NFATC1: variants seen among roughly 807,000 people sequenced by gnomAD.
The protein encoded by NFATC1 is nuclear factor of activated T-cells, cytoplasmic 1.
In NFATC1, 22 loss-of-function variants were observed where a neutral mutation model predicts 76.0. That is an observed-to-expected ratio of 0.29 (90% CI 0.21 to 0.41). NFATC1 has a LOEUF of 0.41. Among genes scored for constraint, NFATC1 ranks in the 10% least tolerant of loss-of-function variants. The pLI, the probability that NFATC1 is intolerant of heterozygous loss-of-function variation, is 1.00. For synonymous variants in NFATC1, 704 were observed against 613.1 expected (o/e 1.15, Z -2.19); for missense variants, 1,357 against 1,337.7 (o/e 1.01, Z -0.23).
In NFATC1 at chr18:79,427,392, TTGGGGGG is replaced by T. The variant is rs1568947785; in HGVS notation, c.1227-6186_1227-6180del. On this transcript the variant is annotated intron_variant, in intron 2 of 9. Transcript: ENST00000427363. ...GTACGGCTGGCCTCTGTGCAGTGGGTTGGGGGGAGCTGGATGGCTGGCCTCTGTGCGG... is the reference window on the plus strand; with the variant it reads ...GTACGGCTGGCCTCTGTGCAGTGGGTAGCTGGATGGCTGGCCTCTGTGCGG... 9.6e-3 allele frequency among the ~76,000 whole-genome samples: 742 copies of T among 77,568 alleles called. 21 individuals carry two copies. The highest frequency in any genetic ancestry group is 0.017 in the South Asian group (43 of 2,594). The allele number at this position is 77,568 out of a possible 152,430, so 50.9% of individuals were successfully genotyped here. A position where few individuals can be genotyped will look rare whatever the true frequency, so the allele number is the denominator to read the frequency against.
chr18:79,524,789 C>T lies in NFATC1; in HGVS notation c.2783-2739C>T, dbSNP rs1569058494. Among the ~76,000 whole-genome samples the T allele has an allele frequency of 6.6e-6, 1 of 152,040 alleles. No individual in the cohort carries two copies. Among genetic ancestry groups the T allele is most frequent in the Admixed American group, 6.5e-5 (1 of 15,278 alleles). The stretch of plus-strand genomic sequence containing the variant: ...TCCGCCCCCCGACGGGCTCTCCCAC[C>T]GAGGCTCAGGTGCTCGTGGGCAGCA... On this transcript the variant is annotated intron_variant, in intron 9 of 9. Transcript: ENST00000427363. The surrounding 1 kb of genome is among the most constrained non-coding windows in gnomAD (Gnocchi z 7.2).
Position 79,407,271 on chromosome 18 carries a change from A to G in NFATC1, c.128-3132A>G, listed in dbSNP as rs554971461. ...GCGGGGGGCACAGTGGATGCCAGTGAACATGGGTGGTCAGTCCCAGAGCTG... is the reference window on the plus strand; with the variant it reads ...GCGGGGGGCACAGTGGATGCCAGTGGACATGGGTGGTCAGTCCCAGAGCTG... On this transcript the variant is annotated intron_variant, in intron 1 of 9. Coordinates refer to ENST00000427363, the MANE Select transcript of NFATC1 (RefSeq NM_001278669.2). Among the ~76,000 whole-genome samples, 5 of 152,300 alleles carry G rather than the reference A, an allele frequency of 3.3e-5. No individual in the cohort carries two copies. In the South Asian group the frequency reaches 1.0e-3, roughly 32 times the overall value.
At chr18:79,481,028 G>A (rs2089253674) in intron 8 of NFATC1, among the ~76,000 whole-genome samples, 2 of 152,252 alleles carry the variant, frequency 1.3e-5, no homozygotes, top group Non-Finnish European at 2.9e-5. Flanking sequence ...CTGAGCGGGA[G>A]AGATGTGGGT....
chr18:79,411,327 A>C lies in NFATC1; in HGVS notation c.1052A>C (p.Glu351Ala), dbSNP rs2085669307. ...EQPPSVALKV[E>A]PVGEDLGSPP... ...CCGCCCTCAGTGGCGCTCAAGGTGG[A>C]GCCCGTCGGGGAGGACCTGGGCAGC... Residue 351 changes from glutamate (E) to alanine (A), a missense_variant, in exon 2 of 10, where the codon GAG becomes GCG. Coordinates refer to ENST00000427363, the MANE Select transcript of NFATC1 (RefSeq NM_001278669.2). 2 of 1,600,770 alleles carry C rather than the reference A, an allele frequency of 1.2e-6. No homozygotes were observed. The highest frequency in any genetic ancestry group is 2.7e-5 in the African/African-American group (2 of 74,674).
chr18:79,514,953 A>G (rs2090342596), intron 9 of NFATC1, among the ~76,000 whole-genome samples: 1 of 152,000 alleles, frequency 6.6e-6, no homozygotes, highest in South Asian at 2.1e-4. Flanking sequence ...CTGAGGAGGG[A>G]GTATTGCTTG....
chr18:79,446,831 G>A (rs879708876), intron 3 of NFATC1, among the ~76,000 whole-genome samples: 1 of 152,222 alleles, frequency 6.6e-6, no homozygotes, highest in Non-Finnish European at 1.5e-5. Context: ...CGCACATGGG[G>A]GCTGTGTCCT....
At chr18:79,433,815 G>A in intron 3 of NFATC1, 77 bp downstream of exon 3, 1 of 1,526,192 alleles carries the variant, frequency 6.6e-7, no homozygotes, top group African/African-American at 1.4e-5. Flanking sequence ...ACAGCTAACT[G>A]TGCTTAGACT....
chr18:79,400,746 C>A (rs1444042117), intron 1 of NFATC1, among the ~76,000 whole-genome samples: 8 of 139,692 alleles, frequency 5.7e-5, no homozygotes, highest in Non-Finnish European at 1.1e-4. Context: ...GGGCTGGTGG[C>A]GCTGCCAGAG....
chr18:79,437,983 C>T (rs1203743594), intron 3 of NFATC1, among the ~76,000 whole-genome samples: 2 of 152,246 alleles, frequency 1.3e-5, no homozygotes, highest in South Asian at 4.1e-4. Flanking sequence ...CACCCGGGCA[C>T]AGCCATTGAG....
chr18:79,457,735 C>T (rs747110023), intron 6 of NFATC1, among the ~76,000 whole-genome samples: 7 of 152,206 alleles, frequency 4.6e-5, no homozygotes, highest in Non-Finnish European at 5.9e-5. Context: ...ACCCCGGCTC[C>T]GACAACCCCA....
At chr18:79,485,178 C>T (rs1445372584) in intron 8 of NFATC1, among the ~76,000 whole-genome samples, 4 of 152,170 alleles carry the variant, frequency 2.6e-5, no homozygotes, top group Non-Finnish European at 4.4e-5. Flanking sequence ...TCCCTGTGGC[C>T]GACCCTGCTG....
intron 1 of NFATC1, among the ~76,000 whole-genome samples, chr18:79,401,579 A>G (rs984698241): frequency 1.3e-5 from 2 of 152,086 alleles, no homozygotes; most frequent in Non-Finnish European, 2.9e-5. Flanking sequence ...CGCCTTCCAG[A>G]GCTGGTTCCA....
intron 1 of NFATC1, chr18:79,402,423 C>A: frequency 6.1e-6 from 6 of 981,440 alleles, no homozygotes; most frequent in Non-Finnish European, 7.3e-6. Context: ...GGGCTCATTC[C>A]CCCAAAACAC....
chr18:79,486,572 C>G lies in NFATC1; in HGVS notation c.2417C>G (p.Pro806Arg). 1 of 1,592,734 alleles carries G rather than the reference C, an allele frequency of 6.3e-7. No individual in the cohort carries two copies. Among genetic ancestry groups the G allele is most frequent in the South Asian group, 1.1e-5 (1 of 90,232 alleles). ...CCCGCCGTCCAGGACGTGCCCAGGC[C>G]AGTGGCCACGCACCCCGGCTCGCCC... ...EAPAVQDVPR[P>R]VATHPGSPGQ... The change falls in exon 9 of 10, where the codon CCA (proline) becomes CGA (arginine). Residue 806 changes from proline to arginine, a missense_variant. Transcript: ENST00000427363.
intron 2 of NFATC1, among the ~76,000 whole-genome samples, chr18:79,420,109 C>T (rs1393321102): frequency 6.6e-6 from 1 of 152,230 alleles, no homozygotes; most frequent in African/African-American, 2.4e-5. Flanking sequence ...GGCCTGCATG[C>T]TGCGTTCCAT....
intron 8 of NFATC1, among the ~76,000 whole-genome samples, chr18:79,484,375 C>T (rs2145051540): frequency 6.6e-6 from 1 of 152,206 alleles, no homozygotes; most frequent in East Asian, 1.9e-4. Context: ...CTTGGAATCA[C>T]AATGGCCCCG....
rs563003093 is a variant in NFATC1 at position 79,427,095 on chromosome 18, G to T, written c.1227-6484G>T. Among the ~76,000 whole-genome samples, 4 of 152,298 alleles carry T rather than the reference G, an allele frequency of 2.6e-5. No homozygotes were observed. The South Asian group carries it at 8.3e-4, about 32-fold the overall frequency. The stretch of plus-strand genomic sequence containing the variant: ...GGCCATTGAGGAGGGAGCATGTCCC[G>T]GGTTCTTAGGTTAAGTGCGTCTTGG... On this transcript the variant is annotated intron_variant, in intron 2 of 9. Transcript: ENST00000427363.
chr18:79,512,872 G>A (rs1322161539), intron 9 of NFATC1, among the ~76,000 whole-genome samples: 4 of 152,242 alleles, frequency 2.6e-5, no homozygotes, highest in Admixed American at 2.6e-4. Context: ...TCCACTGGAA[G>A]AAATAGCCTT....
At chr18:79,449,163 CTCTA>C (rs2087350721) in intron 4 of NFATC1, among the ~76,000 whole-genome samples, 179 bp downstream of exon 4, 2 of 152,374 alleles carry the variant, frequency 1.3e-5, no homozygotes, top group African/African-American at 4.8e-5. Context: ...ATTTGCTTCT[CTCTA>C]GGGTTTCAGC....
Sources: gnomAD v4.1 joint callset for allele counts (sites outside exome capture counted in the v4.1 genomes callset) on GRCh38, gnomAD v4.1.1 for gene constraint, Gnocchi (gnomAD v3.1) non-coding constraint, MANE v1.5 for transcripts, NCBI Gene and HGNC (gene_info 2026-07-23, HGNC 2026-07-21) for gene names.